Variants in CRYBG3 observed in about 807,000 individuals in gnomAD.
The protein encoded by CRYBG3 is crystallin beta-gamma domain containing 3.
Under a neutral mutation model 244.2 loss-of-function variants are expected in CRYBG3, and 127 were observed. The observed-to-expected ratio is 0.52, with a 90% CI of 0.45 to 0.60. The LOEUF is 0.60. Ranked by LOEUF, CRYBG3 falls within the 20% of genes least tolerant of loss-of-function variation. CRYBG3 has a pLI of 0.00. For synonymous variants in CRYBG3, 1,132 were observed against 1,195.8 expected, an observed-to-expected ratio of 0.95 and a Z score of 1.10; for missense variants, 3,325 against 3,442.5, an observed-to-expected ratio of 0.97 and a Z score of 0.85.
In CRYBG3 at chr3:97,943,387, G is replaced by A. The variant is rs546376623; in HGVS notation, c.*73G>A. On this transcript the variant is annotated 3_prime_UTR_variant, in exon 22 of 22. Coordinates refer to ENST00000389622, the MANE Select transcript of CRYBG3 (RefSeq NM_153605.4). ...ACACATCTGTCATTGTCTTGTGGAC[G>A]TGGAAAGGAAGCTACTGTCCTCACA... The A allele has an allele frequency of 1.5e-3, 1,304 of 876,692 alleles. 1 individual carries two copies. Among genetic ancestry groups the A allele is most frequent in the Non-Finnish European group, 2.1e-3 (1,121 of 540,256 alleles). 54.3% of individuals were successfully genotyped at this position (876,692 alleles called of 1,614,324 possible). A position where few individuals can be genotyped will look rare whatever the true frequency, so the allele number is the denominator to read the frequency against.
intron 1 of CRYBG3, among the ~76,000 whole-genome samples, chr3:97,836,261 A>G (rs2038731365): frequency 1.3e-5 from 2 of 152,056 alleles, no homozygotes; most frequent in Non-Finnish European, 2.9e-5. Flanking sequence ...AAATCATTCA[A>G]CTGCCAGATG....
At chr3:97,907,725 G>T (rs1161741407) in intron 15 of CRYBG3, among the ~76,000 whole-genome samples, 1 of 151,898 alleles carries the variant, frequency 6.6e-6, no homozygotes, top group Non-Finnish European at 1.5e-5. Flanking sequence ...TTTTTGAAGG[G>T]TGTTTTGTGT....
chr3:97,825,708 G>A (rs2038568767), intron 1 of CRYBG3, among the ~76,000 whole-genome samples: 1 of 152,196 alleles, frequency 6.6e-6, no homozygotes, highest in Admixed American at 6.5e-5. Context: ...TGGGTGGGAG[G>A]GAGAGTGATA....
intron 2 of CRYBG3, among the ~76,000 whole-genome samples, chr3:97,847,055 G>A (rs528973297): frequency 6.6e-6 from 1 of 152,082 alleles, no homozygotes; most frequent in Non-Finnish European, 1.5e-5. Flanking sequence ...CAAGAGAGAG[G>A]GGAAAGCTGC....
rs2038931279 is a variant in CRYBG3 at position 97,848,269 on chromosome 3, G to C, written c.216+5008G>C. ...TGAACCAATTTTTAAAATATGTATGGCTTTAGTGTATGCTTGCTATCTTTG... is the reference window on the plus strand; with the variant it reads ...TGAACCAATTTTTAAAATATGTATGCCTTTAGTGTATGCTTGCTATCTTTG... On this transcript the variant is annotated intron_variant, in intron 2 of 21. Transcript: ENST00000389622. 3.9e-5 allele frequency among the ~76,000 whole-genome samples: 6 copies of C among 151,976 alleles called. No individual in the cohort carries two copies. In the South Asian group the frequency reaches 1.3e-3, roughly 32 times the overall value.
intron 17 of CRYBG3, among the ~76,000 whole-genome samples, chr3:97,920,422 CCCAGATT>C (rs1436427987): frequency 6.6e-6 from 1 of 152,126 alleles, no homozygotes; most frequent in Non-Finnish European, 1.5e-5. Context: ...GAGCTTCATT[CCCAGATT>C]CCACATGGGT....
intron 7 of CRYBG3, among the ~76,000 whole-genome samples, chr3:97,883,602 A>G (rs927701862): frequency 6.6e-6 from 1 of 152,178 alleles, no homozygotes; most frequent in Non-Finnish European, 1.5e-5. Flanking sequence ...AGAGTAAGTC[A>G]GGCTTGTACT....
intron 2 of CRYBG3, among the ~76,000 whole-genome samples, chr3:97,848,781 A>T (rs903910052): frequency 6.6e-6 from 1 of 152,178 alleles, no homozygotes; most frequent in Admixed American, 6.5e-5. Context: ...GTATCATGTC[A>T]GTTTAACGTA....
intron 1 of CRYBG3, among the ~76,000 whole-genome samples, chr3:97,835,718 G>C (rs1263470126): frequency 6.6e-6 from 1 of 152,030 alleles, no homozygotes; most frequent in Non-Finnish European, 1.5e-5. Flanking sequence ...GATTTCAGTT[G>C]GGGGGGAGGT....
intron 9 of CRYBG3, among the ~76,000 whole-genome samples, chr3:97,888,657 A>C (rs1420208920): frequency 6.6e-6 from 1 of 152,218 alleles, no homozygotes; most frequent in African/African-American, 2.4e-5. Context: ...AGACTGTTCA[A>C]TTAAACATTG....
intron 4 of CRYBG3, among the ~76,000 whole-genome samples, chr3:97,879,412 T>G (rs575342995): frequency 3.3e-5 from 5 of 152,294 alleles, no homozygotes; most frequent in Non-Finnish European, 5.9e-5. Context: ...TAACCTAGTG[T>G]TTTCCTTGTA....
intron 17 of CRYBG3, among the ~76,000 whole-genome samples, chr3:97,927,025 C>G (rs750609957): frequency 6.6e-6 from 1 of 151,880 alleles, no homozygotes; most frequent in Non-Finnish European, 1.5e-5. Context: ...CTGTTCCTAC[C>G]GAAGTACCAA....
intron 7 of CRYBG3, among the ~76,000 whole-genome samples, chr3:97,881,509 A>T (rs202147982): frequency 6.6e-6 from 1 of 151,966 alleles, no homozygotes; most frequent in Non-Finnish European, 1.5e-5. Flanking sequence ...TAAGATTGGG[A>T]GTTCGAGACC....
rs766853665 is a variant in CRYBG3, at chr3:97,873,618, A to C, written c.2424A>C (p.Lys808Asn). The change falls in exon 4 of 22, where the codon AAA becomes AAC. Residue 808 changes from lysine to asparagine, a missense_variant. Lys to Asn is a moderately conservative substitution (Grantham distance 94). Coordinates refer to ENST00000389622, the MANE Select transcript of CRYBG3 (RefSeq NM_153605.4). ...CTGATTCTCTTTCCTTGGAAGCCAA[A>C]ACTGCTAACATTGTATCAAAAGCTG... ...EKSDSLSLEA[K>N]TANIVSKAEI... 1 of 1,534,506 alleles carries C rather than the reference A, an allele frequency of 6.5e-7. No homozygotes were observed. The highest frequency in any genetic ancestry group is 1.2e-5 in the South Asian group (1 of 83,668).
chr3:97,862,501 C>G (rs565552639), intron 2 of CRYBG3, among the ~76,000 whole-genome samples: 37 of 152,130 alleles, frequency 2.4e-4, no homozygotes, highest in Admixed American at 1.3e-3. Flanking sequence ...TTCTTTTTGA[C>G]CTGGGGAGAA....
In CRYBG3 at chr3:97,839,935, C is replaced by T. The variant is rs988281933; in HGVS notation, c.150-3260C>T. On this transcript the variant is annotated intron_variant, in intron 1 of 21. Coordinates refer to ENST00000389622, the MANE Select transcript of CRYBG3 (RefSeq NM_153605.4). ...TAACAAATAACTATTTGAGTGCGTT[C>T]GTGGTGCCAGGCGGGGTGCCAGGCT... Among the ~76,000 whole-genome samples the T allele has an allele frequency of 4.6e-5, 7 of 151,834 alleles. No homozygotes were observed. The East Asian group carries it at 5.8e-4, about 13-fold the overall frequency.
chr3:97,857,239 G>T (rs998803393), intron 2 of CRYBG3, among the ~76,000 whole-genome samples: 2 of 151,850 alleles, frequency 1.3e-5, no homozygotes, highest in Admixed American at 6.6e-5. Context: ...AAAATACTTC[G>T]TATGATTTTG....
intron 2 of CRYBG3, among the ~76,000 whole-genome samples, chr3:97,843,973 A>G (rs1179561289): frequency 6.6e-6 from 1 of 152,156 alleles, no homozygotes; most frequent in Non-Finnish European, 1.5e-5. Flanking sequence ...GTGACAGTCA[A>G]GGAGAAAATT....
chr3:97,844,819 A>T (rs1452308018), intron 2 of CRYBG3, among the ~76,000 whole-genome samples: 1 of 152,154 alleles, frequency 6.6e-6, no homozygotes, highest in East Asian at 1.9e-4. Flanking sequence ...CATTCTTAAC[A>T]TCTAATTTTG....
Sources: allele counts gnomAD v4.1 joint callset (sites outside exome capture counted in the v4.1 genomes callset), GRCh38; gene constraint gnomAD v4.1.1; transcripts MANE v1.5; gene names NCBI Gene and HGNC (gene_info 2026-07-23, HGNC 2026-07-21).